LMBR1: variants seen among roughly 807,000 people sequenced by gnomAD.
LMBR1 encodes limb development membrane protein 1.
Under a neutral mutation model 73.9 loss-of-function variants are expected in LMBR1, and 52 were observed. The ratio of observed to expected loss-of-function variants is 0.70; its 90% CI spans 0.56 to 0.89. The LOEUF is 0.89. Ranked by LOEUF, LMBR1 falls within the 40% of genes least tolerant of loss-of-function variation. LMBR1 has a pLI of 0.00. For synonymous variants in LMBR1, 215 were observed against 209.4 expected (o/e 1.03, Z -0.23); for missense variants, 539 against 579.8 (o/e 0.93, Z 0.72).
intron 4 of LMBR1, among the ~76,000 whole-genome samples, chr7:156,815,723 A>G (rs148207122): frequency 5.5e-4 from 84 of 152,300 alleles, no homozygotes; most frequent in African/African-American, 1.9e-3. Context: ...AGCCTCAGCA[A>G]AATTACAAAT....
chr7:156,717,399 G>A (rs1813457287), intron 15 of LMBR1, among the ~76,000 whole-genome samples: 1 of 152,190 alleles, frequency 6.6e-6, no homozygotes, highest in Non-Finnish European at 1.5e-5. Flanking sequence ...TTTTAGCTTA[G>A]GGTGGGTGGT....
chr7:156,749,672 T>C (rs1429424235), intron 9 of LMBR1, among the ~76,000 whole-genome samples: 1 of 152,144 alleles, frequency 6.6e-6, no homozygotes, highest in East Asian at 1.9e-4. Flanking sequence ...AAATAATTAA[T>C]ACAAGCTTCA....
At chr7:156,671,013 A>AG (rs1396719811) in intron 4 of LMBR1, among the ~76,000 whole-genome samples, 1 of 152,156 alleles carries the variant, frequency 6.6e-6, no homozygotes, top group African/African-American at 2.4e-5. Flanking sequence ...AGGAAAATTA[A>AG]GTATGCTCAG....
chr7:156,889,758 C>A (rs1802568565), intron 1 of LMBR1, among the ~76,000 whole-genome samples: 1 of 152,120 alleles, frequency 6.6e-6, no homozygotes, highest in Admixed American at 6.5e-5. Flanking sequence ...AAAGTAAAGC[C>A]AAAGAGCAGG....
At chr7:156,687,901 G>T in intron 16 of LMBR1, 129 bp downstream of exon 16, 1 of 793,678 alleles carries the variant, frequency 1.3e-6, no homozygotes. Context: ...CACAAAGTAG[G>T]GGATCAATAA....
At chr7:156,815,472 T>C (rs966420131) in intron 4 of LMBR1, among the ~76,000 whole-genome samples, 1 of 152,214 alleles carries the variant, frequency 6.6e-6, no homozygotes, top group East Asian at 1.9e-4. Flanking sequence ...TGTCTGGATA[T>C]TCTAAGTTTT....
Position 156,777,119 on chromosome 7 carries a change from T to A in LMBR1, c.424-13324A>T, listed in dbSNP as rs187048972. Among the ~76,000 whole-genome samples, 13 of 152,216 alleles carry A rather than the reference T, an allele frequency of 8.5e-5. No homozygotes were observed. The East Asian group carries it at 2.3e-3, about 27-fold the overall frequency. On this transcript the variant is annotated intron_variant, in intron 5 of 16. Transcript: ENST00000353442. ...GCTAATATTATCTCTGTATTTTTAG[T>A]AGAGATGGGGTTTCACGGTGTTAAC...
At chr7:156,892,907 G>A in intron 1 of LMBR1, 21 bp downstream of exon 1, 1 of 1,483,154 alleles carries the variant, frequency 6.7e-7, no homozygotes, top group South Asian at 1.3e-5. Context: ...GACTGTCAGG[G>A]CTGCCTCGGT....
chr7:156,832,402 CTCTT>C lies in LMBR1; in HGVS notation c.179+1347_179+1350del, dbSNP rs553946641. Among the ~76,000 whole-genome samples the C allele has an allele frequency of 1.4e-3, 210 of 152,228 alleles. 1 individual carries two copies. Among genetic ancestry groups the C allele is most frequent in the African/African-American group, 4.2e-3 (175 of 41,534 alleles). On this transcript the variant is annotated intron_variant, in intron 3 of 16. Coordinates refer to ENST00000353442, the MANE Select transcript of LMBR1 (RefSeq NM_022458.4). ...TTCATTCACAATGTTGCACAATCAC[CTCTT>C]TCTTTCATGTTCATTGCCCCAAAAT... is the stretch of plus-strand genomic sequence containing the variant.
chr7:156,734,513 G>A (rs1202025950), intron 9 of LMBR1, among the ~76,000 whole-genome samples: 2 of 152,108 alleles, frequency 1.3e-5, no homozygotes, highest in Non-Finnish European at 2.9e-5. Flanking sequence ...TGGGATGGAG[G>A]CAAGGGATAA....
At chr7:156,883,653 A>C (rs1467853489) in intron 1 of LMBR1, among the ~76,000 whole-genome samples, 2 of 152,184 alleles carry the variant, frequency 1.3e-5, no homozygotes, top group Non-Finnish European at 2.9e-5. Context: ...AGGCGTGAGC[A>C]AGGTTGCTTC....
At chr7:156,800,351 C>A (rs1830727864) in intron 4 of LMBR1, among the ~76,000 whole-genome samples, 1 of 152,066 alleles carries the variant, frequency 6.6e-6, no homozygotes, top group African/African-American at 2.4e-5. Flanking sequence ...TCCTAAAACC[C>A]TTAAGAATTA....
intron 8 of LMBR1, among the ~76,000 whole-genome samples, chr7:156,761,688 C>T (rs1328720167): frequency 6.6e-6 from 1 of 151,972 alleles, no homozygotes; most frequent in Admixed American, 6.5e-5. Flanking sequence ...AAACAAAAAA[C>T]TTAATAGGCC....
At chr7:156,885,592 A>C (rs756823811) in intron 1 of LMBR1, among the ~76,000 whole-genome samples, 2 of 151,436 alleles carry the variant, frequency 1.3e-5, no homozygotes, top group African/African-American at 2.4e-5. Context: ...TCCATACAAA[A>C]ATGGCCAGAC....
chr7:156,758,123 T>G (rs374242622), intron 8 of LMBR1, among the ~76,000 whole-genome samples: 4 of 152,172 alleles, frequency 2.6e-5, no homozygotes, highest in East Asian at 1.9e-4. Flanking sequence ...AGTGCTGGAA[T>G]GTGAGCTACT....
chr7:156,691,107 A>G (rs1280738596), intron 15 of LMBR1, among the ~76,000 whole-genome samples: 1 of 152,212 alleles, frequency 6.6e-6, no homozygotes, highest in Non-Finnish European at 1.5e-5. Context: ...ATTAGAAGTA[A>G]TACTACTATT....
intron 4 of LMBR1, among the ~76,000 whole-genome samples, chr7:156,799,073 G>A (rs924269627): frequency 2.0e-5 from 3 of 151,504 alleles, no homozygotes; most frequent in Non-Finnish European, 2.9e-5. Context: ...ATGGTGGTGC[G>A]CACCTGTAGT....
intron 4 of LMBR1, among the ~76,000 whole-genome samples, chr7:156,798,092 T>C (rs17837696): frequency 0.11 from 16,651 of 152,174 alleles, 1,171 homozygotes; most frequent in East Asian, 0.29. Context: ...ATGCACACAA[T>C]TGAGTTCTAG....
chr7:156,684,133 G>C lies in LMBR1; in HGVS notation c.1418C>G (p.Ser473Ter), dbSNP rs1805510407. 1 of 1,613,988 alleles carries C rather than the reference G, an allele frequency of 6.2e-7. No homozygotes were observed. The highest frequency in any genetic ancestry group is 8.5e-7 in the Non-Finnish European group (1 of 1,179,940). The change falls in exon 17 of 17, where the codon TCA becomes TGA. Residue 473 changes from serine (S) to a stop codon, truncating the protein, a stop_gained. Transcript: ENST00000353442. LOFTEE classifies it high-confidence loss of function. Reference sequence around the variant, plus strand: ...AGGCTTGGCTGTTTCTGAATCCCTTGAAGTATTTGGTAAGTGAAGTTTATG... The same window carrying C: ...AGGCTTGGCTGTTTCTGAATCCCTTCAAGTATTTGGTAAGTGAAGTTTATG... ...GLHKLHLPNT[S>*]RDSETAKPSV... is the part of the protein sequence containing the mutation.
Sources: gnomAD v4.1 joint callset for allele counts (sites outside exome capture counted in the v4.1 genomes callset) on GRCh38, gnomAD v4.1.1 for gene constraint, MANE v1.5 for transcripts, NCBI Gene and HGNC (gene_info 2026-07-23, HGNC 2026-07-21) for gene names.